STAM: variants seen among roughly 807,000 people sequenced by gnomAD.
STAM encodes the protein signal transducing adapter molecule 1.
In STAM, 16 loss-of-function variants were observed where a neutral mutation model predicts 63.4. The observed-to-expected ratio is 0.25, with a 90% CI of 0.17 to 0.38. The LOEUF is 0.38. Ranked by LOEUF, STAM falls within the 10% of genes least tolerant of loss-of-function variation. The probability of loss-of-function intolerance (pLI) is 1.00; values close to 1 mark genes in which losing one functional copy is unlikely to be tolerated. For synonymous variants in STAM, 238 were observed against 223.9 expected, an observed-to-expected ratio of 1.06 and a Z score of -0.56; for missense variants, 636 against 657.1, an observed-to-expected ratio of 0.97 and a Z score of 0.35.
At position 17,702,293 on chromosome 10, in the gene STAM, C is replaced by T. The variant is rs575703014; in HGVS notation, c.912+2014C>T. Among the ~76,000 whole-genome samples the T allele has an allele frequency of 1.4e-4, 22 of 151,948 alleles. No homozygotes were observed. The South Asian group carries it at 2.7e-3, about 19-fold the overall frequency. On this transcript the variant is annotated intron_variant, in intron 9 of 13. Transcript: ENST00000377524. ...GTGCAAAGAAATCCCATATGGTCAT[C>T]GGTAGAAAACTTTCAAGTATATTAG...
At position 17,704,844 on chromosome 10, in the gene STAM, A is replaced by G. The variant is rs189315058; in HGVS notation, c.1001-126A>G. The G allele has an allele frequency of 3.5e-4, 290 of 822,208 alleles. 1 individual carries two copies. The East Asian group carries it at 6.9e-3, about 20-fold the overall frequency. The allele number at this position is 822,208 out of a possible 1,614,324, so 50.9% of individuals were successfully genotyped here. ...ATTTTGGGTTCTGTAGACTAAGGTT[A>G]AAGAATGTATATTTTTATTACTCCA... On this transcript the variant is annotated intron_variant, in intron 10 of 13. Coordinates refer to ENST00000377524, the MANE Select transcript of STAM (RefSeq NM_003473.4).
intron 1 of STAM, among the ~76,000 whole-genome samples, chr10:17,648,951 C>A (rs1296276436): frequency 6.6e-6 from 1 of 152,082 alleles, no homozygotes; most frequent in South Asian, 2.1e-4. Flanking sequence ...TAAATCTGAA[C>A]GCTCCAAGCT....
intron 2 of STAM, among the ~76,000 whole-genome samples, chr10:17,683,209 G>A (rs1835157816): frequency 6.6e-6 from 1 of 152,170 alleles, no homozygotes; most frequent in African/African-American, 2.4e-5. Flanking sequence ...TGTCTCTCAG[G>A]ATGGAGTACG....
intron 1 of STAM, among the ~76,000 whole-genome samples, chr10:17,650,926 G>A (rs187681031): frequency 8.6e-5 from 13 of 151,486 alleles, no homozygotes; most frequent in South Asian, 2.1e-4. Flanking sequence ...TTAGCCGGGC[G>A]TAGTGGCGGG....
At chr10:17,706,904 A>G (rs529443463) in intron 12 of STAM, among the ~76,000 whole-genome samples, 1 of 152,354 alleles carries the variant, frequency 6.6e-6, no homozygotes, top group South Asian at 2.1e-4. Flanking sequence ...AGTGAAAAAA[A>G]AATGAGGTAA....
intron 2 of STAM, among the ~76,000 whole-genome samples, chr10:17,676,085 C>T (rs1158215925): frequency 6.6e-6 from 1 of 151,924 alleles, no homozygotes; most frequent in Non-Finnish European, 1.5e-5. Context: ...TCAAGTTCTG[C>T]AGAGTTTGTG....
intron 1 of STAM, among the ~76,000 whole-genome samples, chr10:17,646,842 T>C (rs559480852): frequency 8.4e-4 from 128 of 152,328 alleles, no homozygotes; most frequent in African/African-American, 2.8e-3. Context: ...TTTCACCATA[T>C]CTACCAATGA....
intron 2 of STAM, chr10:17,673,118 C>G: frequency 1.2e-6 from 1 of 802,570 alleles, no homozygotes; most frequent in Non-Finnish European, 1.5e-6. Flanking sequence ...TCTAAGTGCA[C>G]GTGCAGATTT....
intron 1 of STAM, among the ~76,000 whole-genome samples, chr10:17,648,435 A>G (rs916913288): frequency 6.6e-6 from 1 of 152,228 alleles, no homozygotes; most frequent in Non-Finnish European, 1.5e-5. Flanking sequence ...AGCCAGCAGC[A>G]GCAACCGGCT....
At position 17,715,018 on chromosome 10, in the gene STAM, A is replaced by C; in HGVS notation, c.*238A>C. 2 of 498,536 alleles carry C rather than the reference A, an allele frequency of 4.0e-6. No homozygotes were observed. Among genetic ancestry groups the C allele is most frequent in the Non-Finnish European group, 3.7e-6 (1 of 273,208 alleles). 30.9% of individuals were successfully genotyped at this position (498,536 alleles called of 1,614,324 possible). A position where few individuals can be genotyped will look rare whatever the true frequency, so the allele number is the denominator to read the frequency against. ...TACAACATTTAATTCCTTTCATAATATGAAAGAATTGATACAAGGCTATTT... is the reference window on the plus strand; with the variant it reads ...TACAACATTTAATTCCTTTCATAATCTGAAAGAATTGATACAAGGCTATTT... On this transcript the variant is annotated 3_prime_UTR_variant, in exon 14 of 14. Coordinates refer to ENST00000377524, the MANE Select transcript of STAM (RefSeq NM_003473.4).
intron 2 of STAM, among the ~76,000 whole-genome samples, chr10:17,671,020 G>A (rs1168455072): frequency 3.9e-5 from 6 of 152,104 alleles, no homozygotes; most frequent in African/African-American, 1.2e-4. Flanking sequence ...CTTATGAAAG[G>A]CATCTAAATA....
chr10:17,699,885 G>C (rs1161822673), intron 8 of STAM, among the ~76,000 whole-genome samples: 14 of 152,070 alleles, frequency 9.2e-5, no homozygotes, highest in African/African-American at 9.7e-5. Flanking sequence ...TTGTCCTCCA[G>C]CTTACTAAAC....
At chr10:17,655,873 T>C (rs1833916591) in intron 1 of STAM, among the ~76,000 whole-genome samples, 1 of 152,248 alleles carries the variant, frequency 6.6e-6, no homozygotes, top group African/African-American at 2.4e-5. Flanking sequence ...TCAAGACTGG[T>C]TACCCTCTGC....
chr10:17,660,599 C>T lies in STAM; in HGVS notation c.125+51C>T, dbSNP rs368710070. The T allele has an allele frequency of 3.8e-4, 559 of 1,466,612 alleles. 3 individuals are homozygous for T. The African/African-American group carries it at 6.8e-3, about 18-fold the overall frequency. The allele number at this position is 1,466,612 out of a possible 1,614,324, so 90.8% of individuals were successfully genotyped here. ...TTTTATTCTTTCTTTTTAAAAAACA[C>T]GAAAGGCCAGGTGCAGTGGCTTGCA... On this transcript the variant is annotated intron_variant, in intron 2 of 13. Transcript: ENST00000377524.
At chr10:17,661,873 G>T (rs529527993) in intron 2 of STAM, among the ~76,000 whole-genome samples, 1 of 149,570 alleles carries the variant, frequency 6.7e-6, no homozygotes, top group South Asian at 2.1e-4. Flanking sequence ...CCACTATGAC[G>T]TTCCCAAAGA....
chr10:17,704,601 A>T (rs1431005812), intron 10 of STAM, 83 bp downstream of exon 10: 40 of 1,197,958 alleles, frequency 3.3e-5, no homozygotes, highest in Non-Finnish European at 6.2e-6. Context: ...GGTTTTGAGG[A>T]TAATATTAAA....
At chr10:17,705,509 A>G in intron 11 of STAM, 79 bp from the exon 12 acceptor site, 6 of 1,477,168 alleles carry the variant, frequency 4.1e-6, no homozygotes, top group Non-Finnish European at 5.4e-6. Flanking sequence ...GCCATTTTTG[A>G]TATTTTGATG....
At chr10:17,713,935 TGATCTTAGC>T (rs1231021960) in intron 13 of STAM, among the ~76,000 whole-genome samples, 12 of 152,094 alleles carry the variant, frequency 7.9e-5, no homozygotes, top group Admixed American at 7.2e-4. Flanking sequence ...GTCCTGCCGG[TGATCTTAGC>T]TGCTCTCCCC....
intron 2 of STAM, among the ~76,000 whole-genome samples, chr10:17,668,210 A>T (rs1308232269): frequency 6.6e-6 from 1 of 152,180 alleles, no homozygotes; most frequent in African/African-American, 2.4e-5. Flanking sequence ...GGCATTTGAG[A>T]TTTTTAAATA....
Sources: allele counts gnomAD v4.1 joint callset (sites outside exome capture counted in the v4.1 genomes callset), GRCh38; gene constraint gnomAD v4.1.1; transcripts MANE v1.5; gene names NCBI Gene and HGNC (gene_info 2026-07-23, HGNC 2026-07-21).